CNKSR3: variants seen among roughly 807,000 people sequenced by gnomAD.
The protein encoded by CNKSR3 is CNKSR family member 3, also known as connector enhancer of kinase suppressor of ras 3.
In CNKSR3, 36 loss-of-function variants were observed where a neutral mutation model predicts 67.7. The ratio of observed to expected loss-of-function variants is 0.53; its 90% CI spans 0.41 to 0.70. CNKSR3 has a LOEUF of 0.70. CNKSR3 is among the 30% of genes least tolerant of loss of function. The probability of loss-of-function intolerance (pLI) is 0.00; values close to 1 mark genes in which losing one functional copy is unlikely to be tolerated. For missense variants in CNKSR3, 630 were observed against 695.2 expected (o/e 0.91, Z 1.05); for synonymous variants, 281 against 271.4 (o/e 1.04, Z -0.35).
intron 1 of CNKSR3, among the ~76,000 whole-genome samples, chr6:154,492,999 C>A (rs1428456871): frequency 6.7e-6 from 1 of 148,318 alleles, no homozygotes; most frequent in Non-Finnish European, 1.5e-5. Context: ...CTGATCCCAC[C>A]CTTGCAAAGC....
At chr6:154,438,162 T>C (rs1785510461) in intron 4 of CNKSR3, among the ~76,000 whole-genome samples, 1 of 152,226 alleles carries the variant, frequency 6.6e-6, no homozygotes, top group Non-Finnish European at 1.5e-5. Flanking sequence ...TTAAGTATTT[T>C]ATATTATTTA....
At chr6:154,499,680 A>G (rs1261716131) in intron 1 of CNKSR3, among the ~76,000 whole-genome samples, 1 of 152,110 alleles carries the variant, frequency 6.6e-6, no homozygotes, top group Non-Finnish European at 1.5e-5. Flanking sequence ...ATGTTGCCCA[A>G]GTTGATCTCG....
chr6:154,422,094 A>G (rs909485196), intron 9 of CNKSR3, among the ~76,000 whole-genome samples: 4 of 148,030 alleles, frequency 2.7e-5, no homozygotes, highest in Non-Finnish European at 5.9e-5. Flanking sequence ...CCGGGTTCAC[A>G]CCATTCTCCT....
Position 154,395,525 on chromosome 6 carries a change from G to A in CNKSR3, c.*10829C>T, listed in dbSNP as rs895657372. ...CCACTTGTTTTCTTTCATCAACAAA[G>A]TAGAACATCACAGACTCAGATGAGC... On this transcript the variant is annotated 3_prime_UTR_variant, in exon 13 of 13. Coordinates refer to ENST00000607772, the MANE Select transcript of CNKSR3 (RefSeq NM_173515.4). The A allele has an allele frequency of 1.3e-5, 2 of 152,178 alleles. No individual in the cohort carries two copies. Among genetic ancestry groups the A allele is most frequent in the Non-Finnish European group, 2.9e-5 (2 of 68,034 alleles). 9.4% of individuals were successfully genotyped at this position (152,178 alleles called of 1,614,324 possible).
intron 1 of CNKSR3, among the ~76,000 whole-genome samples, chr6:154,501,137 A>T (rs991258740): frequency 6.6e-6 from 1 of 152,150 alleles, no homozygotes; most frequent in Admixed American, 6.5e-5. Flanking sequence ...AGACATCCCA[A>T]CTTCAAATAT....
At chr6:154,430,981 A>T (rs530317899) in intron 5 of CNKSR3, among the ~76,000 whole-genome samples, 2 of 152,188 alleles carry the variant, frequency 1.3e-5, no homozygotes, top group African/African-American at 2.4e-5. Context: ...TTTTGAGACT[A>T]AGCCATTTTT....
At chr6:154,503,898 T>C (rs1375016409) in intron 1 of CNKSR3, among the ~76,000 whole-genome samples, 2 of 152,158 alleles carry the variant, frequency 1.3e-5, no homozygotes, top group East Asian at 1.9e-4. Context: ...AATACTACAA[T>C]AGCAGGACTC....
intron 1 of CNKSR3, among the ~76,000 whole-genome samples, chr6:154,505,703 T>G (rs1006047416): frequency 6.7e-6 from 1 of 149,436 alleles, no homozygotes; most frequent in Non-Finnish European, 1.5e-5. Context: ...GGTTTCACCA[T>G]GTTGGTCAGG....
chr6:154,489,600 T>C (rs1786745877), intron 1 of CNKSR3, among the ~76,000 whole-genome samples: 1 of 152,132 alleles, frequency 6.6e-6, no homozygotes, highest in Admixed American at 6.5e-5. Flanking sequence ...GTATAAATAC[T>C]AATAAATACT....
chr6:154,509,593 T>G (rs1787172420), intron 1 of CNKSR3, among the ~76,000 whole-genome samples: 2 of 152,154 alleles, frequency 1.3e-5, no homozygotes, highest in Non-Finnish European at 2.9e-5. Flanking sequence ...GGAGTCTCCC[T>G]CTACCTGTCC....
At chr6:154,410,545 G>T in intron 11 of CNKSR3, 113 bp from the exon 12 acceptor site, 1 of 661,166 alleles carries the variant, frequency 1.5e-6, no homozygotes, top group East Asian at 2.7e-5. Context: ...TTAGACAGAA[G>T]CAATAACAAA....
At chr6:154,472,017 A>G (rs963165420) in intron 1 of CNKSR3, among the ~76,000 whole-genome samples, 14 of 152,228 alleles carry the variant, frequency 9.2e-5, no homozygotes, top group Admixed American at 7.2e-4. Flanking sequence ...TGGCTTTTCA[A>G]GTTTCAACAA....
intron 2 of CNKSR3, among the ~76,000 whole-genome samples, chr6:154,442,576 G>C (rs1031892228): frequency 1.3e-4 from 19 of 151,984 alleles, no homozygotes; most frequent in African/African-American, 3.9e-4. Context: ...GAGCCGAGAT[G>C]GCGCCACTGC....
In CNKSR3 at chr6:154,414,421, G is replaced by A. The variant is rs1251233679; in HGVS notation, c.948C>T (p.Thr316=). The change falls in exon 10 of 13, where the codon ACC becomes ACT. Residue 316 remains threonine (T), a splice_region_variant and synonymous_variant. Transcript: ENST00000607772. ...NLRWKPPLVQ[T]SPPPATTQSP... ...ACTGGGTTGTCGCGGGTGGAGGTGA[G>A]GTCTGAAACAGGAGTAACACAGCAA... 1.3e-6 allele frequency: 2 copies of A among 1,586,376 alleles called. No homozygotes were observed. The highest frequency in any genetic ancestry group is 1.7e-6 in the Non-Finnish European group (2 of 1,169,570).
intron 1 of CNKSR3, among the ~76,000 whole-genome samples, chr6:154,455,240 A>G (rs1785929148): frequency 6.6e-6 from 1 of 151,942 alleles, no homozygotes; most frequent in Non-Finnish European, 1.5e-5. Context: ...AATCAGTTGA[A>G]CCTGGGAGGC....
At chr6:154,484,388 T>C (rs1458910109) in intron 1 of CNKSR3, among the ~76,000 whole-genome samples, 1 of 152,152 alleles carries the variant, frequency 6.6e-6, no homozygotes, top group Non-Finnish European at 1.5e-5. Context: ...GAGCACTGCC[T>C]CATACCCAGT....
At chr6:154,415,097 C>CAAAAA (rs1157415390) in intron 9 of CNKSR3, among the ~76,000 whole-genome samples, 27 of 33,230 alleles carry the variant, frequency 8.1e-4, no homozygotes, top group African/African-American at 1.7e-3. Context: ...GACTCTGTCT[C>CAAAAA]AAAAAAAAAA....
chr6:154,402,620 C>T lies in CNKSR3; in HGVS notation c.*3734G>A, dbSNP rs569971269. 5.3e-5 allele frequency: 8 copies of T among 152,280 alleles called. No homozygotes were observed. In the South Asian group the frequency reaches 1.7e-3, roughly 32 times the overall value. The allele number at this position is 152,280 out of a possible 1,614,324, so 9.4% of individuals were successfully genotyped here. A position where few individuals can be genotyped will look rare whatever the true frequency, so the allele number is the denominator to read the frequency against. On this transcript the variant is annotated 3_prime_UTR_variant, in exon 13 of 13. Transcript: ENST00000607772. ...AAAACGGGACTAACAGCAGTACTCA[C>T]CTCATAGATTTATTAGAAAGGTATT...
rs1784676730 is a variant in CNKSR3 at position 154,397,831 on chromosome 6, T to C, written c.*8523A>G. 1 of 150,810 alleles carries C rather than the reference T, an allele frequency of 6.6e-6. No homozygotes were observed. Among genetic ancestry groups the C allele is most frequent in the Non-Finnish European group, 1.5e-5 (1 of 67,996 alleles). The allele number at this position is 150,810 out of a possible 1,614,324, so 9.3% of individuals were successfully genotyped here. A position where few individuals can be genotyped will look rare whatever the true frequency, so the allele number is the denominator to read the frequency against. The stretch of plus-strand genomic sequence containing the variant: ...AATTAACAGGGTAGGCCCTGGAAGA[T>C]GAGTAAAAGCAAATCTGCGGCCATC... On this transcript the variant is annotated 3_prime_UTR_variant, in exon 13 of 13. Coordinates refer to ENST00000607772, the MANE Select transcript of CNKSR3 (RefSeq NM_173515.4).
Sources: allele counts gnomAD v4.1 joint callset (sites outside exome capture counted in the v4.1 genomes callset), GRCh38; gene constraint gnomAD v4.1.1; transcripts MANE v1.5; gene names NCBI Gene and HGNC (gene_info 2026-07-23, HGNC 2026-07-21).